The following RBMS1 variants were observed in gnomAD, a reference collection of about 807,000 sequenced individuals.
RBMS1 encodes RNA binding motif single stranded interacting protein 1.
In RBMS1, 17 loss-of-function variants were observed where a neutral mutation model predicts 62.3. The observed-to-expected ratio is 0.27, with a 90% CI of 0.19 to 0.41. The LOEUF (loss-of-function observed/expected upper bound fraction) is 0.41, where lower values mean the gene tolerates loss of function less well. Ranked by LOEUF, RBMS1 falls within the 10% of genes least tolerant of loss-of-function variation. The pLI is 1.00. For missense variants in RBMS1, 334 were observed against 504.5 expected (o/e 0.66, Z 3.24); for synonymous variants, 172 against 170.0 (o/e 1.01, Z -0.09).
chr2:160,407,249 TTCC>T (rs1695779010), intron 1 of RBMS1, among the ~76,000 whole-genome samples: 3 of 151,982 alleles, frequency 2.0e-5, no homozygotes, highest in Admixed American at 2.0e-4. Flanking sequence ...CCCCTGCCCC[TTCC>T]TCCACTTCCC....
At chr2:160,277,247 T>C in intron 12 of RBMS1, 56 bp downstream of exon 12, 1 of 1,415,038 alleles carries the variant, frequency 7.1e-7, no homozygotes, top group East Asian at 2.3e-5. Flanking sequence ...CTATTTAATT[T>C]ACCCATTTCT....
intron 4 of RBMS1, among the ~76,000 whole-genome samples, chr2:160,309,345 T>C (rs1372170014): frequency 6.6e-6 from 1 of 152,098 alleles, no homozygotes; most frequent in Non-Finnish European, 1.5e-5. Context: ...TAGATAGATG[T>C]CTAACTTAAA....
intron 1 of RBMS1, among the ~76,000 whole-genome samples, chr2:160,482,829 T>C (rs2105359120): frequency 6.6e-6 from 1 of 152,332 alleles, no homozygotes; most frequent in South Asian, 2.1e-4. Flanking sequence ...TGTGGCGCCC[T>C]AGAAAGCAGA....
At chr2:160,463,981 TA>T (rs1684575753) in intron 1 of RBMS1, among the ~76,000 whole-genome samples, 2 of 152,110 alleles carry the variant, frequency 1.3e-5, no homozygotes. Flanking sequence ...ACGATGAACT[TA>T]AAAAAACACA....
chr2:160,401,316 T>G (rs6733147), intron 1 of RBMS1, among the ~76,000 whole-genome samples: 1 of 152,206 alleles, frequency 6.6e-6, no homozygotes. Context: ...TACTGTTCTG[T>G]GTAACACCAA....
At chr2:160,387,380 G>A (rs947658768) in intron 1 of RBMS1, among the ~76,000 whole-genome samples, 7 of 151,838 alleles carry the variant, frequency 4.6e-5, no homozygotes, top group Admixed American at 4.6e-4. Flanking sequence ...ATTTTAGCAA[G>A]AGCTTTTAAT....
intron 1 of RBMS1, among the ~76,000 whole-genome samples, chr2:160,380,899 T>A (rs1166401379): frequency 6.6e-6 from 1 of 152,312 alleles, no homozygotes; most frequent in Non-Finnish European, 1.5e-5. Context: ...TAAAACATCA[T>A]CCTACCTTTA....
At chr2:160,381,219 G>A (rs1694269306) in intron 1 of RBMS1, among the ~76,000 whole-genome samples, 1 of 152,016 alleles carries the variant, frequency 6.6e-6, no homozygotes, top group South Asian at 2.1e-4. Flanking sequence ...ATAAAACACT[G>A]GGAACAATGT....
chr2:160,479,576 C>T (rs904428418), intron 1 of RBMS1, among the ~76,000 whole-genome samples: 1 of 152,178 alleles, frequency 6.6e-6, no homozygotes, highest in African/African-American at 2.4e-5. Flanking sequence ...TCTCTCTTCT[C>T]CCTTTTTCCT....
chr2:160,448,256 C>G (rs557525008), intron 1 of RBMS1, among the ~76,000 whole-genome samples: 1 of 152,032 alleles, frequency 6.6e-6, no homozygotes, highest in Non-Finnish European at 1.5e-5. Flanking sequence ...CACCTGACTA[C>G]TTGGGGATTT....
intron 1 of RBMS1, among the ~76,000 whole-genome samples, chr2:160,386,834 T>G (rs776438294): frequency 1.3e-5 from 2 of 152,244 alleles, no homozygotes; most frequent in Non-Finnish European, 2.9e-5. Context: ...AACTAAGACA[T>G]CAACCATTCA....
chr2:160,358,527 T>A (rs961405051), intron 2 of RBMS1, among the ~76,000 whole-genome samples: 1 of 152,164 alleles, frequency 6.6e-6, no homozygotes, highest in Non-Finnish European at 1.5e-5. Context: ...ATGGAGAATC[T>A]TCTAGATCAA....
At chr2:160,343,737 T>TA (rs1399691645) in intron 2 of RBMS1, among the ~76,000 whole-genome samples, 1 of 152,130 alleles carries the variant, frequency 6.6e-6, no homozygotes, top group African/African-American at 2.4e-5. Flanking sequence ...GGAGAATAAT[T>TA]AGAGTGGAGC....
At chr2:160,376,992 T>C (rs1477013468) in intron 1 of RBMS1, among the ~76,000 whole-genome samples, 3 of 152,056 alleles carry the variant, frequency 2.0e-5, no homozygotes, top group South Asian at 2.1e-4. Context: ...TGTGTCATGT[T>C]TGCGTGTGTG....
intron 6 of RBMS1, among the ~76,000 whole-genome samples, chr2:160,297,870 G>T (rs1175914357): frequency 1.3e-5 from 2 of 152,358 alleles, no homozygotes; most frequent in Non-Finnish European, 1.5e-5. Flanking sequence ...GACTGCAGAA[G>T]TAGGCAAGGG....
intron 1 of RBMS1, among the ~76,000 whole-genome samples, chr2:160,471,189 G>C (rs1278200066): frequency 1.3e-5 from 2 of 152,098 alleles, no homozygotes; most frequent in African/African-American, 4.8e-5. Context: ...ACTCAAAAGG[G>C]CAATAAATGC....
intron 2 of RBMS1, among the ~76,000 whole-genome samples, chr2:160,327,711 T>C (rs1691027004): frequency 6.6e-6 from 1 of 152,160 alleles, no homozygotes; most frequent in Non-Finnish European, 1.5e-5. Context: ...CCCAAATTAG[T>C]GCTCCCGAGT....
intron 10 of RBMS1, chr2:160,278,944 T>C: frequency 4.3e-6 from 1 of 232,848 alleles, no homozygotes. Flanking sequence ...TTCCCTTCAC[T>C]TCCAGTAACT....
intron 2 of RBMS1, among the ~76,000 whole-genome samples, chr2:160,324,905 TATAC>T (rs1365289943): frequency 3.4e-4 from 40 of 118,690 alleles, no homozygotes; most frequent in East Asian, 2.4e-3. Flanking sequence ...TATATATATA[TATAC>T]ACACACACAC....
Sources: allele counts gnomAD v4.1 joint callset (sites outside exome capture counted in the v4.1 genomes callset), GRCh38; gene constraint gnomAD v4.1.1; transcripts MANE v1.5; gene names NCBI Gene and HGNC (gene_info 2026-07-23, HGNC 2026-07-21).